SCOC: variants seen among roughly 807,000 people sequenced by gnomAD.
The protein encoded by SCOC is short coiled coil protein.
Under a neutral mutation model 9.9 loss-of-function variants are expected in SCOC, and 7 were observed. That is an observed-to-expected ratio of 0.71 (90% confidence interval 0.40 to 1.33). SCOC has a LOEUF of 1.33. Among genes scored for constraint, SCOC ranks in the 40% most tolerant of loss-of-function variants. SCOC has a pLI of 0.01. For synonymous variants in SCOC, 19 were observed against 28.2 expected, an observed-to-expected ratio of 0.67 and a Z score of 1.03; for missense variants, 66 against 89.7, an observed-to-expected ratio of 0.74 and a Z score of 1.07.
chr4:140,270,720 GT>G (rs1186990395), intron 1 of SCOC, among the ~76,000 whole-genome samples: 1 of 152,142 alleles, frequency 6.6e-6, no homozygotes, highest in Non-Finnish European at 1.5e-5. Context: ...AGATTGGTTG[GT>G]TTGCATAGAA....
intron 1 of SCOC, among the ~76,000 whole-genome samples, chr4:140,275,801 C>T (rs1160522736): frequency 6.6e-6 from 1 of 151,262 alleles, no homozygotes; most frequent in Non-Finnish European, 1.5e-5. Flanking sequence ...CTCAGTTTCC[C>T]CTGAACTCGC....
chr4:140,377,270 G>C (rs1728383533), intron 1 of SCOC, among the ~76,000 whole-genome samples: 1 of 152,168 alleles, frequency 6.6e-6, no homozygotes, highest in South Asian at 2.1e-4. Context: ...AAAGAGACAT[G>C]TTGATTCAAT....
intron 1 of SCOC, among the ~76,000 whole-genome samples, chr4:140,286,784 G>A (rs1221859264): frequency 2.0e-5 from 3 of 152,194 alleles, no homozygotes; most frequent in African/African-American, 7.2e-5. Context: ...ACGACTGTGG[G>A]AGTCACGCAG....
chr4:140,380,530 G>A (rs776298389), intron 3 of SCOC, among the ~76,000 whole-genome samples: 1 of 152,038 alleles, frequency 6.6e-6, no homozygotes, highest in African/African-American at 2.4e-5. Flanking sequence ...ATCAGGAACT[G>A]CATGTGTTCA....
chr4:140,373,084 C>T (rs1231369163), upstream of SCOC, among the ~76,000 whole-genome samples: 2 of 152,176 alleles, frequency 1.3e-5, no homozygotes, highest in African/African-American at 4.8e-5. Flanking sequence ...GGAGGAGGGG[C>T]GTGAGGAGAG....
At chr4:140,335,496 C>T (rs1359185089) in intron 1 of SCOC, among the ~76,000 whole-genome samples, 2 of 152,204 alleles carry the variant, frequency 1.3e-5, no homozygotes, top group Non-Finnish European at 2.9e-5. Context: ...TGAATTAATC[C>T]AATTTGCACT....
chr4:140,355,225 A>AT (rs1727168486), intron 2 of SCOC, among the ~76,000 whole-genome samples: 1 of 22,360 alleles, frequency 4.5e-5, no homozygotes, highest in Non-Finnish European at 1.2e-4. Flanking sequence ...ATATATATAT[A>AT]TATATATATA....
intron 1 of SCOC, among the ~76,000 whole-genome samples, chr4:140,280,474 G>T (rs1334382035): frequency 6.6e-6 from 1 of 152,048 alleles, no homozygotes; most frequent in Non-Finnish European, 1.5e-5. Context: ...ATTAGACTGG[G>T]TTTCTTGAGG....
intron 2 of SCOC, among the ~76,000 whole-genome samples, chr4:140,353,340 T>C (rs1332035388): frequency 6.6e-6 from 1 of 152,144 alleles, no homozygotes; most frequent in Non-Finnish European, 1.5e-5. Context: ...AAAGTTATTG[T>C]AAAAACTGCT....
chr4:140,286,671 A>G (rs1731278634), intron 1 of SCOC, among the ~76,000 whole-genome samples: 1 of 152,208 alleles, frequency 6.6e-6, no homozygotes, highest in South Asian at 2.1e-4. Flanking sequence ...GGGTGGCTTG[A>G]GCGCATAAGC....
intron 1 of SCOC, among the ~76,000 whole-genome samples, chr4:140,330,594 T>C (rs1490691304): frequency 1.3e-5 from 2 of 152,000 alleles, no homozygotes; most frequent in South Asian, 2.1e-4. Flanking sequence ...GGCTGCAGAG[T>C]TGAGACATAA....
chr4:140,286,401 T>C (rs1364871760), intron 1 of SCOC, among the ~76,000 whole-genome samples: 1 of 149,862 alleles, frequency 6.7e-6, no homozygotes, highest in African/African-American at 2.4e-5. Flanking sequence ...GAGGGAGGGA[T>C]AGGGTGGTGG....
chr4:140,276,367 G>A (rs1335924219), intron 1 of SCOC, among the ~76,000 whole-genome samples: 1 of 152,088 alleles, frequency 6.6e-6, no homozygotes. Flanking sequence ...TGAAACTCCT[G>A]ACCTCAAGTG....
At chr4:140,262,814 GGAGAGA>G (rs140878600) in intron 1 of SCOC, among the ~76,000 whole-genome samples, 1 of 149,672 alleles carries the variant, frequency 6.7e-6, no homozygotes, top group Non-Finnish European at 1.5e-5. Flanking sequence ...CATGGCAGCA[GGAGAGA>G]GAGAGAGAGA....
intron 1 of SCOC, among the ~76,000 whole-genome samples, chr4:140,287,550 T>C (rs560341753): frequency 9.7e-4 from 148 of 151,898 alleles, no homozygotes; most frequent in Admixed American, 2.0e-3. Flanking sequence ...ACACACATCA[T>C]GTACACATGC....
intron 1 of SCOC, among the ~76,000 whole-genome samples, chr4:140,300,048 C>T (rs1432825363): frequency 1.3e-5 from 2 of 152,088 alleles, no homozygotes; most frequent in Non-Finnish European, 2.9e-5. Context: ...TTTCAGTGGC[C>T]AGAACTCACT....
At chr4:140,343,559 A>G in intron 1 of SCOC, 2 of 1,049,704 alleles carry the variant, frequency 1.9e-6, no homozygotes, top group Non-Finnish European at 1.5e-6. Context: ...TTAATGATTT[A>G]ACAAGGGCGG....
rs369672236 is a variant in SCOC at position 140,259,876 on chromosome 4, C to T, written c.-19+2466C>T. 5.9e-5 allele frequency among the ~76,000 whole-genome samples: 9 copies of T among 152,264 alleles called. No individual in the cohort carries two copies. The East Asian group carries it at 1.5e-3, about 26-fold the overall frequency. On this transcript the variant is annotated intron_variant, in intron 1 of 4. Coordinates refer to the SCOC transcript ENST00000394205. ...TATTTCCCGCCATTCTTGATTAAACCTCTACTCGTGTCAAATGGGTTTACC... is the reference window on the plus strand; with the variant it reads ...TATTTCCCGCCATTCTTGATTAAACTTCTACTCGTGTCAAATGGGTTTACC...
Position 140,293,783 on chromosome 4 carries a change from A to C in SCOC, c.-19+36373A>C, listed in dbSNP as rs144708966. Among the ~76,000 whole-genome samples, 4 of 152,304 alleles carry C rather than the reference A, an allele frequency of 2.6e-5. No homozygotes were observed. In the East Asian group the frequency reaches 7.7e-4, roughly 29 times the overall value. On this transcript the variant is annotated intron_variant, in intron 1 of 4. Transcript: ENST00000394205. ...ATCCCCTTAAAAGGAGATCTGAGTGATCCACTTCCATGGCCACTATGGTGA... is the reference window on the plus strand; with the variant it reads ...ATCCCCTTAAAAGGAGATCTGAGTGCTCCACTTCCATGGCCACTATGGTGA...
Sources: gnomAD v4.1 joint callset for allele counts (sites outside exome capture counted in the v4.1 genomes callset) on GRCh38, gnomAD v4.1.1 for gene constraint, MANE v1.5 for transcripts, NCBI Gene and HGNC (gene_info 2026-07-23, HGNC 2026-07-21) for gene names.